Variants in PARM1 observed in about 807,000 individuals in gnomAD.
PARM1 encodes prostate androgen-regulated mucin-like protein 1.
In PARM1, 14 loss-of-function variants were observed where a neutral mutation model predicts 24.6. The observed-to-expected ratio is 0.57, with a 90% CI of 0.38 to 0.89. The LOEUF (loss-of-function observed/expected upper bound fraction) is 0.89. Ranked by LOEUF, PARM1 falls within the 40% of genes least tolerant of loss-of-function variation. The probability of loss-of-function intolerance (pLI) is 0.00; values close to 1 mark genes in which losing one functional copy is unlikely to be tolerated. For synonymous variants in PARM1, 179 were observed against 156.6 expected (o/e 1.14, Z -1.07); for missense variants, 362 against 380.4 (o/e 0.95, Z 0.40).
intron 1 of PARM1, among the ~76,000 whole-genome samples, chr4:74,983,048 C>A (rs1722288957): frequency 6.6e-6 from 1 of 152,160 alleles, no homozygotes; most frequent in Non-Finnish European, 1.5e-5. Flanking sequence ...CAGATATTGT[C>A]TTGTATCTAT....
At chr4:75,026,437 C>T (rs1723184384) in intron 2 of PARM1, among the ~76,000 whole-genome samples, 1 of 152,140 alleles carries the variant, frequency 6.6e-6, no homozygotes, top group African/African-American at 2.4e-5. Flanking sequence ...CATACTAAAA[C>T]AAATTTACTA....
chr4:75,024,329 A>G (rs1403385589), intron 2 of PARM1, among the ~76,000 whole-genome samples: 1 of 151,880 alleles, frequency 6.6e-6, no homozygotes, highest in African/African-American at 2.4e-5. Context: ...AAATTTAGCT[A>G]GTGGTTCCTA....
chr4:74,965,964 A>C (rs1721892955), intron 1 of PARM1, among the ~76,000 whole-genome samples: 1 of 152,242 alleles, frequency 6.6e-6, no homozygotes, highest in Non-Finnish European at 1.5e-5. Flanking sequence ...TCTAGATTTT[A>C]GTTAATAGCC....
chr4:74,997,719 A>G (rs1722601431), intron 1 of PARM1: 1 of 152,212 alleles, frequency 6.6e-6, no homozygotes, highest in Non-Finnish European at 1.5e-5. Flanking sequence ...AAATAAAGCC[A>G]TGCAGCAGAG....
chr4:75,006,392 G>A (rs1257122668), intron 1 of PARM1, among the ~76,000 whole-genome samples: 1 of 151,362 alleles, frequency 6.6e-6, no homozygotes, highest in Non-Finnish European at 1.5e-5. Flanking sequence ...AACATGTGGA[G>A]TTTGGTTTTC....
chr4:74,978,381 G>A (rs114345975), intron 1 of PARM1, among the ~76,000 whole-genome samples: 2,619 of 152,144 alleles, frequency 0.017, 63 homozygotes, highest in African/African-American at 0.06. Context: ...GGTCATAATG[G>A]TAAAGGGTTC....
intron 1 of PARM1, among the ~76,000 whole-genome samples, chr4:75,002,127 A>G (rs1722693782): frequency 6.6e-6 from 1 of 152,212 alleles, no homozygotes; most frequent in Non-Finnish European, 1.5e-5. Context: ...GGATGGTGCA[A>G]TTAGCTGAGG....
intron 2 of PARM1, among the ~76,000 whole-genome samples, chr4:75,022,437 T>G (rs1197417205): frequency 2.0e-5 from 3 of 152,262 alleles, no homozygotes; most frequent in African/African-American, 7.2e-5. Context: ...AAATATCTTT[T>G]GAGATATACA....
chr4:75,042,512 C>T (rs555627434), intron 3 of PARM1, among the ~76,000 whole-genome samples: 18 of 152,116 alleles, frequency 1.2e-4, no homozygotes, highest in Non-Finnish European at 2.2e-4. Flanking sequence ...GACAAAGTCA[C>T]CTAAATTCCT....
intron 1 of PARM1, among the ~76,000 whole-genome samples, chr4:74,961,427 T>C (rs1721771630): frequency 1.3e-5 from 2 of 152,124 alleles, no homozygotes; most frequent in South Asian, 4.1e-4. Flanking sequence ...CCAAATTTAA[T>C]GAAAGACATG....
chr4:75,021,127 A>G (rs1219616058), intron 2 of PARM1, among the ~76,000 whole-genome samples: 2 of 152,224 alleles, frequency 1.3e-5, no homozygotes, highest in Non-Finnish European at 2.9e-5. Flanking sequence ...GAATCAATCA[A>G]TCAATCAATG....
chr4:75,012,896 C>A lies in PARM1; in HGVS notation c.515C>A (p.Ser172Tyr). The A allele has an allele frequency of 6.2e-7, 1 of 1,614,010 alleles. No homozygotes were observed. The highest frequency in any genetic ancestry group is 1.1e-5 in the South Asian group (1 of 91,082). The change falls in exon 2 of 4, where the codon TCC becomes TAC. Residue 172 changes from serine (S) to tyrosine (Y), a missense_variant. Ser to Tyr is a moderately radical substitution (Grantham distance 144). Coordinates refer to ENST00000307428, the MANE Select transcript of PARM1 (RefSeq NM_015393.4). Reference protein sequence around the residue: ...STSPPEVFSASVTTNHSSTVT... With the variant: ...STSPPEVFSAYVTTNHSSTVT... ...TCACCACCTGAGGTCTTTTCTGCCT[C>A]CGTTACTACCAACCATAGCTCCACT... is the stretch of plus-strand genomic sequence containing the variant.
chr4:75,012,971 C>A lies in PARM1; in HGVS notation c.590C>A (p.Thr197Lys). 1 of 1,614,004 alleles carries A rather than the reference C, an allele frequency of 6.2e-7. No homozygotes were observed. Among genetic ancestry groups the A allele is most frequent in the Non-Finnish European group, 8.5e-7 (1 of 1,179,880 alleles). The part of the protein sequence containing the change: ...TGAPTAPESP[T>K]EESSSDHTPT... ...GCTCCAACTGCACCAGAGTCCCCGA[C>A]AGAGGAGTCCAGCTCTGACCACACA... Residue 197 changes from threonine (T) to lysine (K), a missense_variant, in exon 2 of 4, where the codon ACA becomes AAA. Transcript: ENST00000307428.
intron 1 of PARM1, among the ~76,000 whole-genome samples, chr4:74,943,731 T>C (rs1021336559): frequency 6.6e-6 from 1 of 152,218 alleles, no homozygotes; most frequent in Non-Finnish European, 1.5e-5. Flanking sequence ...ACCTTCACCA[T>C]TCGAGCATTT....
At chr4:74,985,353 A>G (rs748974292) in intron 1 of PARM1, among the ~76,000 whole-genome samples, 3 of 152,216 alleles carry the variant, frequency 2.0e-5, no homozygotes, top group Non-Finnish European at 4.4e-5. Flanking sequence ...GCTCAGCATC[A>G]TAGGACAGCT....
intron 1 of PARM1, among the ~76,000 whole-genome samples, chr4:74,971,731 C>G (rs1722041649): frequency 6.6e-6 from 1 of 152,202 alleles, no homozygotes; most frequent in Non-Finnish European, 1.5e-5. Flanking sequence ...GAATTGCACA[C>G]TCCATCACCT....
chr4:74,967,818 T>G (rs1280188070), intron 1 of PARM1: 1 of 152,190 alleles, frequency 6.6e-6, no homozygotes, highest in Non-Finnish European at 1.5e-5. Flanking sequence ...GGTTAAAATA[T>G]TTGGCAAAAT....
At chr4:74,996,474 T>C (rs1036211554) in intron 1 of PARM1, among the ~76,000 whole-genome samples, 13 of 152,186 alleles carry the variant, frequency 8.5e-5, no homozygotes, top group Admixed American at 7.2e-4. Flanking sequence ...AGGGAGCATT[T>C]AGGAAAATTA....
intron 1 of PARM1, among the ~76,000 whole-genome samples, chr4:74,981,187 G>A (rs1251605631): frequency 6.6e-6 from 1 of 152,136 alleles, no homozygotes; most frequent in African/African-American, 2.4e-5. Flanking sequence ...CTTACAGGAT[G>A]GGAGAACATT....
Sources: gnomAD v4.1 joint callset for allele counts (sites outside exome capture counted in the v4.1 genomes callset) on GRCh38, gnomAD v4.1.1 for gene constraint, MANE v1.5 for transcripts, NCBI Gene and HGNC (gene_info 2026-07-23, HGNC 2026-07-21) for gene names.